Variants in INPP4A observed in about 807,000 individuals in gnomAD.
The protein encoded by INPP4A is inositol polyphosphate-4-phosphatase type I A.
INPP4A carries 33 observed loss-of-function variants against 119.8 expected under a neutral mutation model. That is an observed-to-expected ratio of 0.28 (90% CI 0.21 to 0.37). The LOEUF is 0.37. Ranked by LOEUF, INPP4A falls within the 10% of genes least tolerant of loss-of-function variation. The pLI is 1.00. For missense variants in INPP4A, 956 were observed against 1,289.9 expected (o/e 0.74, Z 3.97); for synonymous variants, 496 against 500.7 (o/e 0.99, Z 0.12).
chr2:98,536,780 C>A (rs1338966072), intron 7 of INPP4A, among the ~76,000 whole-genome samples: 2 of 152,126 alleles, frequency 1.3e-5, no homozygotes, highest in Non-Finnish European at 2.9e-5. Context: ...GGAAAGTAAT[C>A]TAGAGTAGCA....
chr2:98,537,902 T>C lies in INPP4A; in HGVS notation c.507T>C (p.Ile169=), dbSNP rs906557028. The change falls in exon 8 of 25, where the codon ATT becomes ATC. Residue 169 remains isoleucine, a synonymous_variant. Transcript: ENST00000409851. The part of the protein sequence containing the change: ...ESDRVGNITV[I]GWQMEEKSDQ... ...ACCGTGTAGGTAACATCACCGTGATTGGCTGGCAGATGGAGGAGAAGTCAG... is the reference window on the plus strand; with the variant it reads ...ACCGTGTAGGTAACATCACCGTGATCGGCTGGCAGATGGAGGAGAAGTCAG... The C allele has an allele frequency of 4.3e-6, 7 of 1,613,138 alleles. No individual in the cohort carries two copies. The highest frequency in any genetic ancestry group is 5.1e-6 in the Non-Finnish European group (6 of 1,179,616).
At chr2:98,555,876 GTC>G in intron 16 of INPP4A, 68 bp downstream of exon 16, 1 of 1,487,500 alleles carries the variant, frequency 6.7e-7, no homozygotes, top group Non-Finnish European at 9.0e-7. Context: ...ATTTGTCTGT[GTC>G]TCTGACTCCA....
intron 1 of INPP4A, among the ~76,000 whole-genome samples, chr2:98,490,838 T>C (rs931895779): frequency 6.6e-6 from 1 of 152,250 alleles, no homozygotes; most frequent in Non-Finnish European, 1.5e-5. Context: ...GTCCTTTGGC[T>C]GTCATAACAA....
rs1310396999 is a variant in INPP4A at position 98,448,321 on chromosome 2, A to G, written c.-166+3236A>G. 2.1e-5 allele frequency among the ~76,000 whole-genome samples: 3 copies of G among 145,850 alleles called. No homozygotes were observed. In the Admixed American group the frequency reaches 2.1e-4, roughly 10 times the overall value. On this transcript the variant is annotated intron_variant, in intron 1 of 24. Transcript: ENST00000409851. Reference sequence around the variant, plus strand: ...CAGTGAGCCGAGATCACACCACTGCACTCTAGCCTAGGCAGCAGAGTGAGA... The same window carrying G: ...CAGTGAGCCGAGATCACACCACTGCGCTCTAGCCTAGGCAGCAGAGTGAGA...
chr2:98,535,737 C>T lies in INPP4A; in HGVS notation c.279C>T (p.Asn93=). The T allele has an allele frequency of 6.6e-7, 1 of 1,503,900 alleles. No individual in the cohort carries two copies. Among genetic ancestry groups the T allele is most frequent in the Non-Finnish European group, 9.2e-7 (1 of 1,091,284 alleles). The allele number at this position is 1,503,900 out of a possible 1,614,324, so 93.2% of individuals were successfully genotyped here. The change falls in exon 6 of 25, where the codon AAC becomes AAT. Residue 93 remains asparagine, a synonymous_variant. Transcript: ENST00000409851. ...TTCCTTTTCTGTTCTAGGGAACCAA[C>T]AATCCTATATTTCTAAGCAGTATTG... ...HAQTEIIEGT[N]NPIFLSSIAF... is the part of the protein sequence containing the mutation.
intron 24 of INPP4A, chr2:98,581,799 T>G: frequency 6.3e-7 from 1 of 1,576,786 alleles, no homozygotes; most frequent in Non-Finnish European, 8.6e-7. Flanking sequence ...AAAACAAAAG[T>G]GCCAGAACAT....
At chr2:98,504,895 C>A (rs182276528) in intron 1 of INPP4A, among the ~76,000 whole-genome samples, 16 of 152,284 alleles carry the variant, frequency 1.1e-4, no homozygotes, top group Admixed American at 1.3e-4. Context: ...TCTTCAGGCC[C>A]ACGTGCCATC....
At chr2:98,531,615 A>G (rs61180742) in intron 4 of INPP4A, among the ~76,000 whole-genome samples, 36,999 of 152,160 alleles carry the variant, frequency 0.24, 4,650 homozygotes, top group Middle Eastern at 0.35. Flanking sequence ...ACCAGAAAAC[A>G]CAACACTTAA....
intron 16 of INPP4A, among the ~76,000 whole-genome samples, chr2:98,557,807 C>T (rs575069195): frequency 3.3e-5 from 5 of 152,338 alleles, no homozygotes; most frequent in Admixed American, 2.0e-4. Flanking sequence ...CACAGAGGCT[C>T]CTCAAACTTC....
intron 1 of INPP4A, among the ~76,000 whole-genome samples, chr2:98,494,034 A>G (rs1225240323): frequency 6.6e-6 from 1 of 152,244 alleles, no homozygotes; most frequent in Non-Finnish European, 1.5e-5. Flanking sequence ...AAAATCTGCT[A>G]GATCTCAGTA....
chr2:98,457,605 A>C (rs1696353824), intron 1 of INPP4A, among the ~76,000 whole-genome samples: 1 of 152,216 alleles, frequency 6.6e-6, no homozygotes, highest in African/African-American at 2.4e-5. Context: ...TTAATTGACT[A>C]CTGTAATGAA....
Position 98,589,304 on chromosome 2 carries a change from CAGTT to C in INPP4A, c.*1697_*1700del. 5.4e-6 allele frequency: 1 copy of C among 186,446 alleles called. No homozygotes were observed. Among genetic ancestry groups the C allele is most frequent in the Non-Finnish European group, 1.1e-5 (1 of 88,234 alleles). The allele number at this position is 186,446 out of a possible 1,614,324, so 11.5% of individuals were successfully genotyped here. A position where few individuals can be genotyped will look rare whatever the true frequency, so the allele number is the denominator to read the frequency against. On this transcript the variant is annotated 3_prime_UTR_variant, in exon 25 of 25. Coordinates refer to ENST00000409851, the MANE Select transcript of INPP4A (RefSeq NM_001134225.2). The stretch of plus-strand genomic sequence containing the variant: ...TTAAGTGTCAATTTCTGTTCACAGA[CAGTT>C]TGTTTTCAATATGGCTGATTTACCC...
chr2:98,564,080 G>A (rs928844579), intron 18 of INPP4A, among the ~76,000 whole-genome samples: 9 of 152,132 alleles, frequency 5.9e-5, no homozygotes, highest in Non-Finnish European at 1.0e-4. Context: ...GAGAAGTGAA[G>A]CCTTGAAATG....
intron 22 of INPP4A, chr2:98,571,845 T>G (rs1262160110): frequency 6.6e-6 from 1 of 152,382 alleles, no homozygotes; most frequent in East Asian, 1.9e-4. Flanking sequence ...AGGGCAAATA[T>G]CCTGACCTGG....
chr2:98,528,946 C>T (rs1279176147), intron 4 of INPP4A, among the ~76,000 whole-genome samples: 3 of 151,904 alleles, frequency 2.0e-5, no homozygotes, highest in Admixed American at 2.0e-4. Flanking sequence ...GGCGTGGTGG[C>T]AGGCGCCTGT....
Position 98,554,158 on chromosome 2 carries a change from G to C in INPP4A, c.1348-113G>C. 1 of 759,478 alleles carries C rather than the reference G, an allele frequency of 1.3e-6. No homozygotes were observed. The highest frequency in any genetic ancestry group is 2.1e-6 in the Non-Finnish European group (1 of 472,596). 47.0% of individuals were successfully genotyped at this position (759,478 alleles called of 1,614,324 possible). A position where few individuals can be genotyped will look rare whatever the true frequency, so the allele number is the denominator to read the frequency against. On this transcript the variant is annotated intron_variant, in intron 14 of 24. Coordinates refer to ENST00000409851, the MANE Select transcript of INPP4A (RefSeq NM_001134225.2). The surrounding 1 kb of genome is among the most constrained non-coding windows in gnomAD (Gnocchi z 4.7). ...TCAGTTGCTTTGCACTGTGGAGAAAGGCAGAGGGGTGCAGTGCTGGGCTTT... is the reference window on the plus strand; with the variant it reads ...TCAGTTGCTTTGCACTGTGGAGAAACGCAGAGGGGTGCAGTGCTGGGCTTT...
intron 1 of INPP4A, among the ~76,000 whole-genome samples, chr2:98,446,924 A>ACTT: frequency 6.6e-6 from 1 of 152,330 alleles, no homozygotes; most frequent in East Asian, 1.9e-4. Context: ...ACTGTAGAGC[A>ACTT]CTAGAAAAAT....
chr2:98,487,636 A>G (rs1679829465), intron 1 of INPP4A, among the ~76,000 whole-genome samples: 4 of 152,202 alleles, frequency 2.6e-5, no homozygotes, highest in Admixed American at 2.6e-4. Flanking sequence ...TATAGAGACA[A>G]TTCTCTGTTT....
chr2:98,558,140 C>G (rs1042307328), intron 16 of INPP4A, among the ~76,000 whole-genome samples: 4 of 152,176 alleles, frequency 2.6e-5, no homozygotes, highest in African/African-American at 9.7e-5. Flanking sequence ...GAGAAGACCC[C>G]CTTTTTCTCC....
Sources: gnomAD v4.1 joint callset for allele counts (sites outside exome capture counted in the v4.1 genomes callset) on GRCh38, gnomAD v4.1.1 for gene constraint, Gnocchi (gnomAD v3.1) non-coding constraint, MANE v1.5 for transcripts, NCBI Gene and HGNC (gene_info 2026-07-23, HGNC 2026-07-21) for gene names.